The following USP4 variants were observed in gnomAD, a reference collection of about 807,000 sequenced individuals.
USP4 encodes ubiquitin specific peptidase 4, also known as ubiquitin carboxyl-terminal hydrolase 4.
Under a neutral mutation model 118.2 loss-of-function variants are expected in USP4, and 72 were observed. That is an observed-to-expected ratio of 0.61 (90% CI 0.50 to 0.74). The LOEUF (loss-of-function observed/expected upper bound fraction) is 0.74. Among genes scored for constraint, USP4 ranks in the 30% least tolerant of loss-of-function variants. The probability of loss-of-function intolerance (pLI) is 0.00; values close to 1 mark genes in which losing one functional copy is unlikely to be tolerated. For missense variants in USP4, 1,037 were observed against 1,185.7 expected (o/e 0.87, Z 1.84); for synonymous variants, 415 against 440.4 (o/e 0.94, Z 0.72).
intron 8 of USP4, 45 bp downstream of exon 8, chr3:49,310,575 A>C: frequency 1.3e-6 from 2 of 1,551,416 alleles, no homozygotes; most frequent in Non-Finnish European, 1.8e-6. Context: ...CTTCCACCCA[A>C]ACCTCAAGAT....
chr3:49,278,547 C>A (rs983516616), intron 21 of USP4, 96 bp from the exon 22 acceptor site: 15 of 1,443,442 alleles, frequency 1.0e-5, no homozygotes, highest in Non-Finnish European at 1.4e-5. Context: ...CAAGGATCTG[C>A]CATATCCACA....
intron 10 of USP4, among the ~76,000 whole-genome samples, chr3:49,301,813 GA>G (rs1266831756): frequency 3.3e-5 from 5 of 152,238 alleles, no homozygotes; most frequent in Non-Finnish European, 7.4e-5. Flanking sequence ...ATCCCAATGT[GA>G]TAGGGTAGCT....
intron 6 of USP4, among the ~76,000 whole-genome samples, chr3:49,322,929 C>T (rs2047517403): frequency 6.6e-6 from 1 of 151,416 alleles, no homozygotes; most frequent in South Asian, 2.1e-4. Context: ...TCTTCTCTCA[C>T]TGTATGGCTT....
chr3:49,285,032 C>T, intron 16 of USP4, 113 bp from the exon 17 acceptor site: 1 of 751,516 alleles, frequency 1.3e-6, no homozygotes, highest in Non-Finnish European at 2.2e-6. Flanking sequence ...CACCTTCTCC[C>T]CCATCAGCAG....
chr3:49,335,405 A>G, intron 2 of USP4, 64 bp downstream of exon 2: 1 of 1,604,886 alleles, frequency 6.2e-7, no homozygotes, highest in Non-Finnish European at 8.5e-7. Context: ...CATGTTACAG[A>G]TGCACATAAC....
At chr3:49,331,275 G>A (rs541278707) in intron 2 of USP4, among the ~76,000 whole-genome samples, 4 of 151,558 alleles carry the variant, frequency 2.6e-5, no homozygotes, top group African/African-American at 9.7e-5. Flanking sequence ...AGCCAAGATC[G>A]CACCATTGCA....
rs924819026 is a variant in USP4 at position 49,317,551 on chromosome 3, T to G, written c.696-5897A>C. On this transcript the variant is annotated intron_variant, in intron 6 of 21. Transcript: ENST00000265560. ...TGTTTTTTGTTTGTTTGTTTTTTTT[T>G]TTTTTTTGAGACAACAGTCTTACTC... 93 of 611,016 alleles carry G rather than the reference T, an allele frequency of 1.5e-4. 1 individual carries two copies. Among genetic ancestry groups the G allele is most frequent in the Admixed American group, 4.5e-4 (15 of 33,462 alleles). 37.8% of individuals were successfully genotyped at this position (611,016 alleles called of 1,614,324 possible).
rs759872244 is a variant in USP4 at position 49,310,685 on chromosome 3, T to C, written c.889A>G (p.Ile297Val). The part of the protein sequence containing the change: ...YNCQEPPSSH[I>V]QPGLCGLGNL... ...CCAAGTCCACAGAGCCCAGGTTGTA[T>C]ATGAGAGGATGGTGGCTCCTGACAA... is the stretch of plus-strand genomic sequence containing the variant. The change falls in exon 8 of 22, where the codon ATA becomes GTA. Residue 297 changes from isoleucine to valine, a missense_variant. By Grantham distance (29) the Ile-to-Val change is conservative. This residue lies in a region of USP4 where 487 missense variants were observed against 534.1 expected (regional missense o/e 0.91). Transcript: ENST00000265560. 3.1e-6 allele frequency: 5 copies of C among 1,614,138 alleles called. No individual in the cohort carries two copies. The highest frequency in any genetic ancestry group is 2.2e-5 in the East Asian group (1 of 44,880).
chr3:49,317,288 C>T (rs1318202920), intron 6 of USP4: 8 of 1,507,658 alleles, frequency 5.3e-6, no homozygotes, highest in South Asian at 2.3e-5. Context: ...GCCAGCTTCT[C>T]GTTGACGCAG....
intron 20 of USP4, among the ~76,000 whole-genome samples, chr3:49,280,036 G>A (rs187707410): frequency 2.6e-5 from 4 of 151,758 alleles, no homozygotes; most frequent in Non-Finnish European, 4.4e-5. Flanking sequence ...CCAAGGCAGG[G>A]TGGTTCGCTT....
intron 19 of USP4, among the ~76,000 whole-genome samples, chr3:49,283,233 C>G (rs1254262623): frequency 6.6e-6 from 1 of 151,810 alleles, no homozygotes; most frequent in Non-Finnish European, 1.5e-5. Context: ...CCAGGATGGT[C>G]TCGATCTCCA....
At chr3:49,296,883 G>A (rs1054036503) in intron 13 of USP4, among the ~76,000 whole-genome samples, 1 of 152,206 alleles carries the variant, frequency 6.6e-6, no homozygotes, top group Non-Finnish European at 1.5e-5. Context: ...ACCATGTTAA[G>A]GGCTTGGGGT....
At position 49,325,035 on chromosome 3, in the gene USP4, G is replaced by A; in HGVS notation, c.492C>T (p.Thr164=). 1 of 1,612,710 alleles carries A rather than the reference G, an allele frequency of 6.2e-7. No homozygotes were observed. The highest frequency in any genetic ancestry group is 8.5e-7 in the Non-Finnish European group (1 of 1,179,588). ...ATAGCTTCCGCATCTCTTTCTCGAT[G>A]GTTGCTAGGAACAGGCAGAAATATC... The part of the protein sequence containing the change: ...CHFSKADTIA[T]IEKEMRKLFN... The change falls in exon 5 of 22, where the codon ACC becomes ACT. Residue 164 remains threonine (T), a synonymous_variant. Coordinates refer to ENST00000265560, the MANE Select transcript of USP4 (RefSeq NM_003363.4).
At chr3:49,337,939 G>A (rs561871390) in intron 1 of USP4, among the ~76,000 whole-genome samples, 5 of 150,298 alleles carry the variant, frequency 3.3e-5, no homozygotes, top group Admixed American at 2.0e-4. Flanking sequence ...CCAGCTACTC[G>A]GGAGGCTGAA....
chr3:49,312,600 A>C (rs35446411), intron 6 of USP4: 55,495 of 390,222 alleles, frequency 0.14, 4,681 homozygotes, highest in Non-Finnish European at 0.17. Context: ...AGCCTGGGCA[A>C]AAAGAACGAA....
Position 49,324,993 on chromosome 3 carries a change from C to T in USP4, c.534G>A (p.Glu178=). The change falls in exon 5 of 22, where the codon GAG becomes GAA. Residue 178 remains glutamate (E), a synonymous_variant. Transcript: ENST00000265560. Reference sequence around the variant, plus strand: ...ATTTGTTCCAGAGCCGTGTTTCACGCTCCGCAGGGATGTTGAATAGCTTCC... The same window carrying T: ...ATTTGTTCCAGAGCCGTGTTTCACGTTCCGCAGGGATGTTGAATAGCTTCC... ...EMRKLFNIPA[E]RETRLWNKYM... is the part of the protein sequence containing the mutation. 1 of 1,614,042 alleles carries T rather than the reference C, an allele frequency of 6.2e-7. No homozygotes were observed. The highest frequency in any genetic ancestry group is 1.1e-5 in the South Asian group (1 of 91,064).
In USP4 at chr3:49,338,709, A is replaced by G. The variant is rs2047699370; in HGVS notation, c.101+1215T>C. Among the ~76,000 whole-genome samples, 3 of 152,020 alleles carry G rather than the reference A, an allele frequency of 2.0e-5. No homozygotes were observed. In the South Asian group the frequency reaches 6.2e-4, roughly 32 times the overall value. On this transcript the variant is annotated intron_variant, in intron 1 of 21. Coordinates refer to ENST00000265560, the MANE Select transcript of USP4 (RefSeq NM_003363.4). ...AGAAAAGAAAAGAAAACACAAAAAA[A>G]GTACCTCTGTTTACCCTGCCTTTCA...
intron 15 of USP4, among the ~76,000 whole-genome samples, chr3:49,287,833 T>A (rs1034524932): frequency 2.0e-5 from 3 of 152,078 alleles, no homozygotes; most frequent in African/African-American, 7.2e-5. Flanking sequence ...AAAAAACCTA[T>A]CATGAATTTT....
At chr3:49,282,970 A>C (rs913518589) in intron 19 of USP4, among the ~76,000 whole-genome samples, 3 of 142,764 alleles carry the variant, frequency 2.1e-5, no homozygotes, top group Non-Finnish European at 4.5e-5. Flanking sequence ...GGCCTCCCAC[A>C]GTGCTGGGAT....
Sources: gnomAD v4.1 joint callset for allele counts (sites outside exome capture counted in the v4.1 genomes callset) on GRCh38, gnomAD v4.1.1 for gene constraint, gnomAD v4.1.1 regional missense constraint, MANE v1.5 for transcripts, NCBI Gene and HGNC (gene_info 2026-07-23, HGNC 2026-07-21) for gene names.